Variants in TBC1D22A observed in about 807,000 individuals in gnomAD.
TBC1D22A encodes the protein TBC1 domain family member 22A.
TBC1D22A carries 38 observed loss-of-function variants against 60.2 expected under a neutral mutation model. The ratio of observed to expected loss-of-function variants is 0.63; its 90% CI spans 0.49 to 0.83. TBC1D22A has a LOEUF of 0.83. Among genes scored for constraint, TBC1D22A ranks in the 40% least tolerant of loss-of-function variants. The probability of loss-of-function intolerance (pLI) is 0.00; values close to 1 mark genes in which losing one functional copy is unlikely to be tolerated. For synonymous variants in TBC1D22A, 302 were observed against 281.7 expected, an observed-to-expected ratio of 1.07 and a Z score of -0.72; for missense variants, 628 against 701.0, an observed-to-expected ratio of 0.90 and a Z score of 1.18.
Position 47,165,081 on chromosome 22 carries a change from T to C in TBC1D22A, c.1426-8417T>C, listed in dbSNP as rs75105956. Among the ~76,000 whole-genome samples, 1,314 of 152,272 alleles carry C rather than the reference T, an allele frequency of 8.6e-3. 21 individuals carry two copies. Among genetic ancestry groups the C allele is most frequent in the African/African-American group, 0.03 (1,256 of 41,566 alleles). ...CAGGGCAGGGGGTGGAGTCCAGGCA[T>C]GGCAGGGCCTTTGTTCTTGTTCTGG... is the stretch of plus-strand genomic sequence containing the variant. On this transcript the variant is annotated intron_variant, in intron 12 of 12. Transcript: ENST00000337137.
chr22:46,779,995 A>AT, intron 1 of TBC1D22A, among the ~76,000 whole-genome samples: 2 of 152,316 alleles, frequency 1.3e-5, no homozygotes, highest in Middle Eastern at 6.8e-3. Flanking sequence ...GGATGGTGGA[A>AT]TTGTTCACTG....
chr22:46,909,068 G>A (rs571089486), intron 7 of TBC1D22A, among the ~76,000 whole-genome samples: 9 of 152,282 alleles, frequency 5.9e-5, no homozygotes, highest in Admixed American at 2.0e-4. Context: ...GCTCCCCTCG[G>A]CATCCTCCCT....
At chr22:47,053,811 G>C (rs978823265) in intron 11 of TBC1D22A, among the ~76,000 whole-genome samples, 4 of 152,258 alleles carry the variant, frequency 2.6e-5, no homozygotes, top group African/African-American at 7.2e-5. Flanking sequence ...TGTGGACTCA[G>C]ACATATACCA....
At chr22:46,956,246 C>A (rs1462451559) in intron 8 of TBC1D22A, among the ~76,000 whole-genome samples, 1 of 151,948 alleles carries the variant, frequency 6.6e-6, no homozygotes, top group Admixed American at 6.6e-5. Flanking sequence ...AAAGTGAGGC[C>A]ATTAGGGTGT....
chr22:46,936,562 C>T lies in TBC1D22A; in HGVS notation c.1015+24374C>T, dbSNP rs184775823. On this transcript the variant is annotated intron_variant, in intron 8 of 12. Transcript: ENST00000337137. ...GATCTCCATTACCAAACAATTTTGGCGGACAGCCTGACAAGCGGAGCGTGA... is the reference window on the plus strand; with the variant it reads ...GATCTCCATTACCAAACAATTTTGGTGGACAGCCTGACAAGCGGAGCGTGA... Among the ~76,000 whole-genome samples the T allele has an allele frequency of 8.5e-5, 13 of 152,374 alleles. No individual in the cohort carries two copies. In the East Asian group the frequency reaches 1.9e-3, roughly 23 times the overall value.
intron 11 of TBC1D22A, among the ~76,000 whole-genome samples, chr22:47,048,393 C>T (rs1001841578): frequency 6.6e-6 from 1 of 152,208 alleles, no homozygotes; most frequent in Non-Finnish European, 1.5e-5. Context: ...ACAGGGTGGT[C>T]AGGCCCCAGC....
chr22:46,873,725 C>T (rs187738093), intron 4 of TBC1D22A, among the ~76,000 whole-genome samples: 10 of 152,114 alleles, frequency 6.6e-5, no homozygotes, highest in East Asian at 5.8e-4. Flanking sequence ...CCTGTTCCCG[C>T]GTTAGTTTGG....
chr22:47,171,511 C>T (rs560811586), intron 12 of TBC1D22A, among the ~76,000 whole-genome samples: 3 of 152,294 alleles, frequency 2.0e-5, no homozygotes, highest in South Asian at 2.1e-4. Context: ...GGGAGTCTGC[C>T]CAGCTTCATG....
chr22:47,149,599 A>G (rs4823599), intron 12 of TBC1D22A, among the ~76,000 whole-genome samples: 97,240 of 152,096 alleles, frequency 0.64, 31,540 homozygotes, highest in East Asian at 0.77. Flanking sequence ...GGACACGACC[A>G]AGGCCACCAG....
intron 4 of TBC1D22A, among the ~76,000 whole-genome samples, chr22:46,863,751 C>T (rs554600680): frequency 6.6e-6 from 1 of 152,202 alleles, no homozygotes; most frequent in Non-Finnish European, 1.5e-5. Flanking sequence ...ATGTCTCTGT[C>T]GGCTTTTCCC....
At chr22:46,902,861 G>A (rs1300014440) in intron 7 of TBC1D22A, among the ~76,000 whole-genome samples, 3 of 152,258 alleles carry the variant, frequency 2.0e-5, no homozygotes, top group Non-Finnish European at 4.4e-5. Flanking sequence ...TGAAGTGAGG[G>A]ATGAAGACAG....
chr22:46,768,409 C>T (rs1238391405), intron 1 of TBC1D22A, among the ~76,000 whole-genome samples: 2 of 147,372 alleles, frequency 1.4e-5, no homozygotes, highest in Non-Finnish European at 3.0e-5. Flanking sequence ...CGCTTGAACA[C>T]AGGAGGCAGA....
intron 10 of TBC1D22A, among the ~76,000 whole-genome samples, chr22:47,013,196 C>CATTTT (rs2061807758): frequency 6.6e-6 from 1 of 152,154 alleles, no homozygotes; most frequent in South Asian, 2.1e-4. Flanking sequence ...TTGCGGTTAG[C>CATTTT]ATTTTTCTTT....
intron 6 of TBC1D22A, among the ~76,000 whole-genome samples, chr22:46,892,339 T>C (rs1187542520): frequency 6.6e-6 from 1 of 151,680 alleles, no homozygotes; most frequent in African/African-American, 2.4e-5. Flanking sequence ...CTCTGTTACA[T>C]AACAAAGATT....
chr22:47,114,332 G>A (rs1370778539), intron 12 of TBC1D22A, among the ~76,000 whole-genome samples: 1 of 152,056 alleles, frequency 6.6e-6, no homozygotes, highest in Non-Finnish European at 1.5e-5. Flanking sequence ...GACTTGAGTG[G>A]GGAACCGGGA....
chr22:47,051,441 C>G (rs192961353), intron 11 of TBC1D22A, among the ~76,000 whole-genome samples: 1 of 152,194 alleles, frequency 6.6e-6, no homozygotes, highest in Non-Finnish European at 1.5e-5. Context: ...GGTCCTCAGC[C>G]GTGCTCTCTG....
chr22:47,037,258 C>A, intron 11 of TBC1D22A, 60 bp downstream of exon 11: 1 of 1,600,444 alleles, frequency 6.2e-7, no homozygotes, highest in South Asian at 1.1e-5. Flanking sequence ...CGTTTCCTGT[C>A]GCCTTCTGCC....
chr22:47,025,027 C>T (rs73486751), intron 10 of TBC1D22A, among the ~76,000 whole-genome samples: 3,901 of 152,262 alleles, frequency 0.026, 137 homozygotes, highest in African/African-American at 0.08. Context: ...TCAAGAGGAT[C>T]ATTTCATATG....
rs1257229830 is a variant in TBC1D22A, at chr22:46,783,510, C to T, written c.63-9010C>T. Among the ~76,000 whole-genome samples, 5 of 152,242 alleles carry T rather than the reference C, an allele frequency of 3.3e-5. No individual in the cohort carries two copies. In the East Asian group the frequency reaches 9.6e-4, roughly 29 times the overall value. On this transcript the variant is annotated intron_variant, in intron 1 of 12. Coordinates refer to ENST00000337137, the MANE Select transcript of TBC1D22A (RefSeq NM_014346.5). The stretch of plus-strand genomic sequence containing the variant: ...CAGCGCACACACGCAGTTGATGCCG[C>T]TGTGGGGTCTTTGCCTGAACTCAGC...
Sources: allele counts gnomAD v4.1 joint callset (sites outside exome capture counted in the v4.1 genomes callset), GRCh38; gene constraint gnomAD v4.1.1; transcripts MANE v1.5; gene names NCBI Gene and HGNC (gene_info 2026-07-23, HGNC 2026-07-21).